Variants in GALNTL6 observed in about 807,000 individuals in gnomAD.
GALNTL6 encodes polypeptide N-acetylgalactosaminyltransferase-like 6.
Under a neutral mutation model 73.7 loss-of-function variants are expected in GALNTL6, and 46 were observed. That is an observed-to-expected ratio of 0.62 (90% CI 0.49 to 0.80). The LOEUF (loss-of-function observed/expected upper bound fraction) is 0.80. Among genes scored for constraint, GALNTL6 ranks in the 30% least tolerant of loss-of-function variants. The probability of loss-of-function intolerance (pLI) is 0.00; values close to 1 mark genes in which losing one functional copy is unlikely to be tolerated. For synonymous variants in GALNTL6, 259 were observed against 263.7 expected (o/e 0.98, Z 0.17); for missense variants, 604 against 755.0 (o/e 0.80, Z 2.34).
chr4:172,419,026 C>T (rs1730952484), intron 5 of GALNTL6, among the ~76,000 whole-genome samples: 1 of 151,882 alleles, frequency 6.6e-6, no homozygotes, highest in Non-Finnish European at 1.5e-5. Context: ...AATCAATTGA[C>T]CTTTTATCCC....
At position 173,000,228 on chromosome 4, in the gene GALNTL6, C is replaced by T. The variant is rs1475475467; in HGVS notation, c.1372-8950C>T. On this transcript the variant is annotated intron_variant, in intron 10 of 12. Transcript: ENST00000506823. ...GGCAAAAATAAGTTAAGTTAACTTG[C>T]TTAATGCCATGCAGCCCTACTAAAT... Among the ~76,000 whole-genome samples, 4 of 152,130 alleles carry T rather than the reference C, an allele frequency of 2.6e-5. No homozygotes were observed. The South Asian group carries it at 6.2e-4, about 24-fold the overall frequency.
At chr4:172,799,092 C>G (rs1740453780) in intron 5 of GALNTL6, among the ~76,000 whole-genome samples, 1 of 152,146 alleles carries the variant, frequency 6.6e-6, no homozygotes, top group African/African-American at 2.4e-5. Flanking sequence ...ATTCAGCTCC[C>G]TGATATCTGA....
At chr4:172,929,320 T>G (rs1352422415) in intron 8 of GALNTL6, among the ~76,000 whole-genome samples, 1 of 152,188 alleles carries the variant, frequency 6.6e-6, no homozygotes, top group African/African-American at 2.4e-5. Context: ...TTCCTCTTAG[T>G]GAAAGAAGTT....
intron 5 of GALNTL6, among the ~76,000 whole-genome samples, chr4:172,770,800 C>G (rs1738721187): frequency 6.6e-6 from 1 of 152,100 alleles, no homozygotes; most frequent in Non-Finnish European, 1.5e-5. Flanking sequence ...TGATCTTGTT[C>G]TAATTACCAA....
intron 5 of GALNTL6, among the ~76,000 whole-genome samples, chr4:172,790,026 G>A (rs879767562): frequency 1.3e-5 from 2 of 152,210 alleles, no homozygotes; most frequent in Admixed American, 6.5e-5. Context: ...CAGATTCTGT[G>A]AGAATCCGAA....
intron 3 of GALNTL6, among the ~76,000 whole-genome samples, chr4:172,298,455 G>C (rs1390638164): frequency 6.6e-6 from 1 of 152,140 alleles, no homozygotes; most frequent in African/African-American, 2.4e-5. Flanking sequence ...AATGCTTCCA[G>C]TTTTTGCCCA....
intron 5 of GALNTL6, among the ~76,000 whole-genome samples, chr4:172,553,683 A>G (rs1291425251): frequency 1.3e-5 from 2 of 152,196 alleles, no homozygotes; most frequent in African/African-American, 2.4e-5. Flanking sequence ...ACAATATATT[A>G]TTAAATAGAA....
chr4:171,945,050 G>A (rs565567327), intron 2 of GALNTL6, among the ~76,000 whole-genome samples: 1 of 152,180 alleles, frequency 6.6e-6, no homozygotes, highest in African/African-American at 2.4e-5. Flanking sequence ...AATGCCTCTT[G>A]AGAAGATGGC....
At chr4:172,489,086 C>A (rs1418047557) in intron 5 of GALNTL6, among the ~76,000 whole-genome samples, 1 of 152,184 alleles carries the variant, frequency 6.6e-6, no homozygotes. Flanking sequence ...CCTTATTATA[C>A]CAAGTAGTTT....
In GALNTL6 at chr4:172,636,870, C is replaced by T. The variant is rs529081091; in HGVS notation, c.554-172491C>T. Among the ~76,000 whole-genome samples the T allele has an allele frequency of 8.5e-5, 13 of 152,138 alleles. No individual in the cohort carries two copies. The East Asian group carries it at 2.1e-3, about 25-fold the overall frequency. On this transcript the variant is annotated intron_variant, in intron 5 of 12. Transcript: ENST00000506823. ...CTGACAGATATTAAAGAACATAAGGCTTTTTTCTTCTTCCTAATAGTGGCT... is the reference window on the plus strand; with the variant it reads ...CTGACAGATATTAAAGAACATAAGGTTTTTTTCTTCTTCCTAATAGTGGCT...
intron 5 of GALNTL6, among the ~76,000 whole-genome samples, chr4:172,618,704 C>A (rs1738839215): frequency 6.6e-6 from 1 of 152,104 alleles, no homozygotes; most frequent in East Asian, 1.9e-4. Flanking sequence ...TGATTTATTA[C>A]TTAATAATAA....
intron 9 of GALNTL6, among the ~76,000 whole-genome samples, chr4:172,937,955 T>C (rs1748707644): frequency 6.6e-6 from 1 of 152,230 alleles, no homozygotes; most frequent in African/African-American, 2.4e-5. Context: ...TATTTGATAT[T>C]AACAAATTAT....
intron 2 of GALNTL6, among the ~76,000 whole-genome samples, chr4:172,063,777 GTTC>G (rs1731279399): frequency 6.6e-6 from 1 of 151,812 alleles, no homozygotes; most frequent in Non-Finnish European, 1.5e-5. Context: ...CATTTTTATT[GTTC>G]TTATTTGGAC....
At chr4:172,402,301 G>A (rs1744071330) in intron 5 of GALNTL6, among the ~76,000 whole-genome samples, 2 of 151,916 alleles carry the variant, frequency 1.3e-5, no homozygotes, top group Admixed American at 1.3e-4. Flanking sequence ...TCTTGAAATT[G>A]AATCTATGTT....
intron 5 of GALNTL6, among the ~76,000 whole-genome samples, chr4:172,383,584 C>T (rs368269131): frequency 6.6e-6 from 1 of 152,102 alleles, no homozygotes; most frequent in East Asian, 1.9e-4. Flanking sequence ...ATACTTACTT[C>T]CTTTGCTTGC....
intron 7 of GALNTL6, among the ~76,000 whole-genome samples, chr4:172,826,047 T>G (rs1026260896): frequency 6.6e-6 from 1 of 152,046 alleles, no homozygotes; most frequent in African/African-American, 2.4e-5. Context: ...TGAATGTAAC[T>G]TTTTTTTATC....
chr4:172,215,837 T>G (rs1344230073), intron 2 of GALNTL6, among the ~76,000 whole-genome samples: 1 of 152,158 alleles, frequency 6.6e-6, no homozygotes, highest in Non-Finnish European at 1.5e-5. Context: ...TAATTCAATT[T>G]GCCCCCTTTC....
Position 172,780,206 on chromosome 4 carries a change from T to G in GALNTL6, c.554-29155T>G, listed in dbSNP as rs1215153200. Among the ~76,000 whole-genome samples, 4 of 152,332 alleles carry G rather than the reference T, an allele frequency of 2.6e-5. No homozygotes were observed. The East Asian group carries it at 7.7e-4, about 29-fold the overall frequency. ...TCTTAAAAATTAGAATCTTTTCCTT[T>G]AAACTGAAATAACATGCCTATTCAT... On this transcript the variant is annotated intron_variant, in intron 5 of 12. Transcript: ENST00000506823.
At chr4:172,660,524 T>G (rs968741597) in intron 5 of GALNTL6, among the ~76,000 whole-genome samples, 1 of 152,226 alleles carries the variant, frequency 6.6e-6, no homozygotes, top group African/African-American at 2.4e-5. Context: ...GCCCTTGCCT[T>G]TATTTTCAAA....
Sources: allele counts gnomAD v4.1 joint callset (sites outside exome capture counted in the v4.1 genomes callset), GRCh38; gene constraint gnomAD v4.1.1; transcripts MANE v1.5; gene names NCBI Gene and HGNC (gene_info 2026-07-23, HGNC 2026-07-21).